CLYBL: variants seen among roughly 807,000 people sequenced by gnomAD.
CLYBL encodes citramalyl-CoA lyase, also known as citramalyl-CoA lyase, mitochondrial.
CLYBL carries 31 observed loss-of-function variants against 38.9 expected under a neutral mutation model. The observed-to-expected ratio is 0.80, with a 90% confidence interval of 0.60 to 1.08. The LOEUF (loss-of-function observed/expected upper bound fraction) is 1.08. CLYBL is among the 50% of genes least tolerant of loss of function. The pLI is 0.00. For missense variants in CLYBL, 434 were observed against 411.6 expected, an observed-to-expected ratio of 1.05 and a Z score of -0.47; for synonymous variants, 171 against 158.6, an observed-to-expected ratio of 1.08 and a Z score of -0.59.
At chr13:99,801,217 A>G (rs2050129981) in intron 2 of CLYBL, among the ~76,000 whole-genome samples, 1 of 152,176 alleles carries the variant, frequency 6.6e-6, no homozygotes. Context: ...GCTGTGAGGA[A>G]CGTTTGTTAA....
intron 2 of CLYBL, among the ~76,000 whole-genome samples, chr13:99,778,438 CA>C (rs1357197882): frequency 4.6e-5 from 7 of 152,192 alleles, no homozygotes; most frequent in South Asian, 2.1e-4. Context: ...TTTTATATCT[CA>C]TTTTTTTATT....
intron 1 of CLYBL, among the ~76,000 whole-genome samples, chr13:99,700,812 C>T (rs2048053727): frequency 1.3e-5 from 2 of 152,068 alleles, no homozygotes; most frequent in African/African-American, 2.4e-5. Flanking sequence ...TTCTTTTTGG[C>T]GTTAAGGTAT....
Position 99,849,491 on chromosome 13 carries a change from T to G in CLYBL, c.250-9370T>G, listed in dbSNP as rs539326805. ...TCCTGCCACTGCACTCCAGCCTGGC[T>G]GACACAGCAAGACCCTGTCTCTTAA... On this transcript the variant is annotated intron_variant, in intron 2 of 8. Coordinates refer to ENST00000339105, the MANE Select transcript of CLYBL (RefSeq NM_206808.5). The surrounding 1 kb of genome is among the most constrained non-coding windows in gnomAD (Gnocchi z 4.9). Among the ~76,000 whole-genome samples, 2 of 152,322 alleles carry G rather than the reference T, an allele frequency of 1.3e-5. No individual in the cohort carries two copies. The highest frequency in any genetic ancestry group is 2.4e-5 in the African/African-American group (1 of 41,560).
At chr13:99,754,560 T>C (rs1373403482) in intron 1 of CLYBL, among the ~76,000 whole-genome samples, 6 of 151,348 alleles carry the variant, frequency 4.0e-5, no homozygotes, top group Non-Finnish European at 5.9e-5. Flanking sequence ...TATGCCCAGC[T>C]CTTCTAGATG....
rs532294105 is a variant in CLYBL at position 99,884,841 on chromosome 13, G to A, written c.928-6477G>A. ...GATGAAGCCTCACTGCACATTCCAG[G>A]TGACTTAAAGATTCAGCAGGGATGT... On this transcript the variant is annotated intron_variant, in intron 7 of 8. Transcript: ENST00000339105. 44 of 399,752 alleles carry A rather than the reference G, an allele frequency of 1.1e-4. 1 individual carries two copies. The highest frequency in any genetic ancestry group is 8.3e-4 in the South Asian group (44 of 53,050). 24.8% of individuals were successfully genotyped at this position (399,752 alleles called of 1,614,324 possible).
intron 1 of CLYBL, among the ~76,000 whole-genome samples, chr13:99,762,614 C>T (rs1426019614): frequency 6.6e-6 from 1 of 152,160 alleles, no homozygotes; most frequent in African/African-American, 2.4e-5. Context: ...ATGCTTCCAG[C>T]TTTGTTTGTT....
rs74811736 is a variant in CLYBL at position 99,753,197 on chromosome 13, G to A, written c.63-19627G>A. On this transcript the variant is annotated intron_variant, in intron 1 of 8. Transcript: ENST00000339105. ...AGATACCTGTAACTGAGGGTGGTAAGCAGAGGAGACGGATGGGCCAGGCAG... is the reference window on the plus strand; with the variant it reads ...AGATACCTGTAACTGAGGGTGGTAAACAGAGGAGACGGATGGGCCAGGCAG... Among the ~76,000 whole-genome samples the A allele has an allele frequency of 6.3e-3, 959 of 152,284 alleles. 7 individuals are homozygous for A. The highest frequency in any genetic ancestry group is 0.022 in the African/African-American group (906 of 41,562).
chr13:99,750,449 G>A (rs1266667738), intron 1 of CLYBL, among the ~76,000 whole-genome samples: 1 of 152,110 alleles, frequency 6.6e-6, no homozygotes, highest in Non-Finnish European at 1.5e-5. Context: ...TTAGACAGGT[G>A]GATCACACAA....
Position 99,700,636 on chromosome 13 carries a change from G to C in CLYBL, c.63-72188G>C, listed in dbSNP as rs148521652. The stretch of plus-strand genomic sequence containing the variant: ...ACACACAACTCTTCCCAGCAGCTGA[G>C]GGGCCCCGAAGCCTTGATGTCCCTT... On this transcript the variant is annotated intron_variant, in intron 1 of 8. Coordinates refer to ENST00000339105, the MANE Select transcript of CLYBL (RefSeq NM_206808.5). Among the ~76,000 whole-genome samples, 10 of 152,276 alleles carry C rather than the reference G, an allele frequency of 6.6e-5. No homozygotes were observed. In the East Asian group the frequency reaches 1.9e-3, roughly 29 times the overall value.
intron 1 of CLYBL, among the ~76,000 whole-genome samples, chr13:99,665,797 A>G (rs1422672755): frequency 1.3e-5 from 2 of 152,198 alleles, no homozygotes. Context: ...AAAATGGTCA[A>G]ACTGTTGGAC....
At chr13:99,647,508 A>G (rs575959710) in intron 1 of CLYBL, among the ~76,000 whole-genome samples, 1 of 152,138 alleles carries the variant, frequency 6.6e-6, no homozygotes, top group Non-Finnish European at 1.5e-5. Context: ...TTATAAAAAC[A>G]AAATGTGTGA....
chr13:99,824,751 T>C (rs2139047369), intron 2 of CLYBL, among the ~76,000 whole-genome samples: 1 of 152,312 alleles, frequency 6.6e-6, no homozygotes, highest in Admixed American at 6.5e-5. Context: ...CAAAAAATAT[T>C]TTCTGCATCT....
chr13:99,678,444 T>C (rs149515832), intron 1 of CLYBL, among the ~76,000 whole-genome samples: 36 of 152,338 alleles, frequency 2.4e-4, no homozygotes, highest in Non-Finnish European at 4.6e-4. Flanking sequence ...TGAAATCTGC[T>C]CTTGGTCTAT....
chr13:99,818,350 G>A (rs765289345), intron 2 of CLYBL, among the ~76,000 whole-genome samples: 113 of 152,026 alleles, frequency 7.4e-4, no homozygotes, highest in Non-Finnish European at 1.3e-3. Context: ...CTCCGTCCTC[G>A]GGTTGATTGT....
chr13:99,794,481 C>T (rs2049981806), intron 2 of CLYBL, among the ~76,000 whole-genome samples: 1 of 152,060 alleles, frequency 6.6e-6, no homozygotes, highest in Admixed American at 6.6e-5. Flanking sequence ...AGTGTGAAAT[C>T]ATGCAGAGAA....
chr13:99,691,674 T>C lies in CLYBL; in HGVS notation c.63-81150T>C, dbSNP rs533072899. Among the ~76,000 whole-genome samples the C allele has an allele frequency of 3.3e-5, 5 of 151,856 alleles. No individual in the cohort carries two copies. The East Asian group carries it at 9.7e-4, about 29-fold the overall frequency. Reference sequence around the variant, plus strand: ...GTAATCACTGTACGTGATAAGAAAATGGAGAAATGAGAAAGCTTGAAACTT... The same window carrying C: ...GTAATCACTGTACGTGATAAGAAAACGGAGAAATGAGAAAGCTTGAAACTT... On this transcript the variant is annotated intron_variant, in intron 1 of 8. Transcript: ENST00000339105.
intron 1 of CLYBL, among the ~76,000 whole-genome samples, chr13:99,772,421 G>T (rs1594172614): frequency 6.6e-6 from 1 of 152,250 alleles, no homozygotes; most frequent in East Asian, 1.9e-4. Flanking sequence ...ATCCAGCTAG[G>T]CATGGTGGCT....
At chr13:99,679,938 A>G (rs1354564369) in intron 1 of CLYBL, among the ~76,000 whole-genome samples, 2 of 152,154 alleles carry the variant, frequency 1.3e-5, no homozygotes, top group African/African-American at 4.8e-5. Flanking sequence ...TGTCTAATGC[A>G]TGTACTTAGG....
intron 1 of CLYBL, among the ~76,000 whole-genome samples, chr13:99,752,550 C>T (rs1489180978): frequency 6.6e-6 from 1 of 152,080 alleles, no homozygotes; most frequent in African/African-American, 2.4e-5. Context: ...CCTAAGAACA[C>T]AGCCCAGCCC....
Sources: allele counts gnomAD v4.1 joint callset (sites outside exome capture counted in the v4.1 genomes callset), GRCh38; gene constraint gnomAD v4.1.1; non-coding constraint Gnocchi (gnomAD v3.1); transcripts MANE v1.5; gene names NCBI Gene and HGNC (gene_info 2026-07-23, HGNC 2026-07-21).